Variants in LRBA observed in about 807,000 individuals in gnomAD.
LRBA encodes lipopolysaccharide-responsive and beige-like anchor protein.
LRBA carries 176 observed loss-of-function variants against 330.0 expected under a neutral mutation model. The ratio of observed to expected loss-of-function variants is 0.53; its 90% confidence interval spans 0.47 to 0.60. The LOEUF (loss-of-function observed/expected upper bound fraction) is 0.60. Ranked by LOEUF, LRBA falls within the 20% of genes least tolerant of loss-of-function variation. The pLI is 0.00. For missense variants in LRBA, 3,259 were observed against 3,444.8 expected, an observed-to-expected ratio of 0.95 and a Z score of 1.35; for synonymous variants, 1,230 against 1,193.0, an observed-to-expected ratio of 1.03 and a Z score of -0.64.
intron 28 of LRBA, chr4:150,840,802 T>A: frequency 2.0e-6 from 1 of 490,328 alleles, no homozygotes; most frequent in Non-Finnish European, 2.8e-6. Flanking sequence ...TTGTAAAAAA[T>A]CCAGTAATCG....
intron 49 of LRBA, among the ~76,000 whole-genome samples, chr4:150,322,843 T>G (rs1184840118): frequency 1.3e-5 from 2 of 152,144 alleles, no homozygotes; most frequent in Non-Finnish European, 2.9e-5. Flanking sequence ...TCTGATGGTG[T>G]GAAAACACAG....
chr4:150,487,933 T>C, intron 41 of LRBA, 99 bp from the exon 42 acceptor site: 1 of 545,656 alleles, frequency 1.8e-6, no homozygotes, highest in Non-Finnish European at 3.3e-6. Flanking sequence ...AATTCAGGTA[T>C]CTATTAAATA....
chr4:150,904,584 A>G (rs957113524), intron 13 of LRBA, among the ~76,000 whole-genome samples: 1 of 152,172 alleles, frequency 6.6e-6, no homozygotes, highest in East Asian at 1.9e-4. Flanking sequence ...TTCTGACCAC[A>G]TCAAAAGAGA....
chr4:150,900,322 A>C, intron 13 of LRBA, 105 bp from the exon 14 acceptor site: 1 of 727,864 alleles, frequency 1.4e-6, no homozygotes, highest in East Asian at 2.6e-5. Flanking sequence ...TCCAAAAAGT[A>C]AGATGCTGAG....
chr4:150,913,304 T>C (rs537510782), intron 9 of LRBA, among the ~76,000 whole-genome samples: 2 of 152,226 alleles, frequency 1.3e-5, no homozygotes, highest in Admixed American at 6.5e-5. Context: ...CCCATCTCTA[T>C]TAAAATTACA....
At chr4:150,457,786 T>A (rs748766877) in intron 44 of LRBA, among the ~76,000 whole-genome samples, 17 of 151,944 alleles carry the variant, frequency 1.1e-4, no homozygotes, top group Non-Finnish European at 2.4e-4. Flanking sequence ...ACTCTAAACC[T>A]ACCTCAGTTT....
intron 39 of LRBA, among the ~76,000 whole-genome samples, chr4:150,588,839 C>T (rs1772444565): frequency 6.6e-6 from 1 of 152,114 alleles, no homozygotes; most frequent in South Asian, 2.1e-4. Flanking sequence ...TGGGAGTAAA[C>T]AGCTGGAGGG....
At chr4:150,849,723 A>C in intron 24 of LRBA, 148 bp from the exon 25 acceptor site, 1 of 630,038 alleles carries the variant, frequency 1.6e-6, no homozygotes. Flanking sequence ...GAGGGTGTAT[A>C]CTTCTTCAGA....
At chr4:150,493,742 C>A (rs1483836472) in intron 40 of LRBA, among the ~76,000 whole-genome samples, 1 of 151,988 alleles carries the variant, frequency 6.6e-6, no homozygotes, top group African/African-American at 2.4e-5. Context: ...AGTTTGCTAC[C>A]CTGGATTTAC....
chr4:150,920,469 A>G (rs1290965264), intron 5 of LRBA, among the ~76,000 whole-genome samples: 3 of 152,184 alleles, frequency 2.0e-5, no homozygotes, highest in African/African-American at 4.8e-5. Flanking sequence ...GAATCGCTTG[A>G]AACCAGGAGG....
Position 150,628,823 on chromosome 4 carries a change from A to C in LRBA, c.5922-29692T>G, listed in dbSNP as rs184377780. On this transcript the variant is annotated intron_variant, in intron 37 of 56. Transcript: ENST00000651943. The stretch of plus-strand genomic sequence containing the variant: ...ACTGTTAATGTCATTTCAAAAACTC[A>C]TATCATGTTGGCTAATCAACACTAA... Among the ~76,000 whole-genome samples, 135 of 152,334 alleles carry C rather than the reference A, an allele frequency of 8.9e-4. 1 individual carries two copies. The highest frequency in any genetic ancestry group is 5.8e-3 in the East Asian group (30 of 5,184).
intron 42 of LRBA, among the ~76,000 whole-genome samples, chr4:150,479,881 C>T (rs550343930): frequency 6.6e-6 from 1 of 152,316 alleles, no homozygotes; most frequent in East Asian, 1.9e-4. Flanking sequence ...ATTCCTTTGA[C>T]AGCCATCCAG....
In LRBA at chr4:151,014,532, T is replaced by G; in HGVS notation, c.111A>C (p.Pro37=). The G allele has an allele frequency of 6.2e-7, 1 of 1,614,138 alleles. No individual in the cohort carries two copies. Among genetic ancestry groups the G allele is most frequent in the Non-Finnish European group, 8.5e-7 (1 of 1,180,002 alleles). Residue 37 remains proline, a synonymous_variant, in exon 2 of 57, where the codon CCA becomes CCC. Transcript: ENST00000651943. ...PTEGGALSLK[P]GLPIRGIRMK... ...TTCTGATGCCCCTGATGGGGAGCCC[T>G]GGTTTCAGAGACAATGCACCCCCTT...
chr4:150,817,147 G>A lies in LRBA; in HGVS notation c.5282C>T (p.Ser1761Leu). 6.2e-7 allele frequency: 1 copy of A among 1,611,930 alleles called. No homozygotes were observed. Among genetic ancestry groups the A allele is most frequent in the South Asian group, 1.1e-5 (1 of 90,960 alleles). Residue 1761 changes from serine to leucine, a missense_variant, in exon 31 of 57, where the codon TCA becomes TTA. Ser to Leu is a moderately radical substitution (Grantham distance 145, BLOSUM62 -2). Coordinates refer to ENST00000651943, the MANE Select transcript of LRBA (RefSeq NM_001364905.1). Reference sequence around the variant, plus strand: ...ACCTGGTGATTCTCCTCCCATATCTGAGGCTTGGGCTGAATCTACTGAGGA... The same window carrying A: ...ACCTGGTGATTCTCCTCCCATATCTAAGGCTTGGGCTGAATCTACTGAGGA... Reference protein sequence around the residue: ...VVSSVDSAQASDMGGESPGSR... With the variant: ...VVSSVDSAQALDMGGESPGSR...
intron 28 of LRBA, among the ~76,000 whole-genome samples, chr4:150,835,246 C>G (rs1030637052): frequency 3.9e-5 from 6 of 152,152 alleles, no homozygotes; most frequent in African/African-American, 1.4e-4. Context: ...TGTGATGCCT[C>G]CAGCTTTGTT....
At chr4:150,970,812 GT>G (rs1739504934) in intron 2 of LRBA, 1 of 151,614 alleles carries the variant, frequency 6.6e-6, no homozygotes, top group Non-Finnish European at 1.5e-5. Context: ...TATGAGTCTT[GT>G]TTCCATCAGA....
At position 150,828,553 on chromosome 4, in the gene LRBA, C is replaced by T. The variant is rs1746630246; in HGVS notation, c.4798G>A (p.Ala1600Thr). ...SVEESESTSS[A>T]RRRDSGIGEE... ...CCAATGCCTGAGTCCCTCCTTCGAG[C>T]AGATGATGTGCTTTCAGATTCTTCC... The change falls in exon 30 of 57, where the codon GCT (alanine) becomes ACT (threonine). Residue 1600 changes from alanine (A) to threonine (T), a missense_variant. By Grantham distance (58) the Ala-to-Thr change is moderately conservative (BLOSUM62 0). Transcript: ENST00000651943. 1.2e-6 allele frequency: 2 copies of T among 1,614,124 alleles called. No homozygotes were observed. The highest frequency in any genetic ancestry group is 1.7e-6 in the Non-Finnish European group (2 of 1,180,002).
intron 42 of LRBA, among the ~76,000 whole-genome samples, chr4:150,480,681 ATAAT>A (rs917624969): frequency 2.6e-5 from 4 of 152,274 alleles, no homozygotes; most frequent in Admixed American, 6.5e-5. Context: ...TGATTGGAAT[ATAAT>A]TAATTTTTTA....
chr4:150,334,302 A>G (rs1734349924), intron 48 of LRBA, among the ~76,000 whole-genome samples: 1 of 152,154 alleles, frequency 6.6e-6, no homozygotes, highest in Non-Finnish European at 1.5e-5. Context: ...TGTTCAAAAT[A>G]TACAGCAGAG....
Sources: allele counts gnomAD v4.1 joint callset (sites outside exome capture counted in the v4.1 genomes callset), GRCh38; gene constraint gnomAD v4.1.1; transcripts MANE v1.5; gene names NCBI Gene and HGNC (gene_info 2026-07-23, HGNC 2026-07-21).